MGAT5: variants seen among roughly 807,000 people sequenced by gnomAD.
MGAT5 encodes alpha-1,6-mannosylglycoprotein 6-beta-N-acetylglucosaminyltransferase, also known as alpha-1,6-mannosylglycoprotein 6-beta-N-acetylglucosaminyltransferase A.
A neutral mutation model predicts 94.3 loss-of-function variants in MGAT5; 30 were observed. That is an observed-to-expected ratio of 0.32 (90% CI 0.24 to 0.43). The LOEUF is 0.43. MGAT5 is among the 20% of genes least tolerant of loss of function. The pLI is 1.00. For synonymous variants in MGAT5, 310 were observed against 322.9 expected, an observed-to-expected ratio of 0.96 and a Z score of 0.43; for missense variants, 691 against 905.5, an observed-to-expected ratio of 0.76 and a Z score of 3.04.
intron 1 of MGAT5, among the ~76,000 whole-genome samples, chr2:134,141,454 G>A (rs536399229): frequency 1.4e-5 from 2 of 140,646 alleles, no homozygotes; most frequent in African/African-American, 5.2e-5. Context: ...ATAGATAGAT[G>A]GATAGTTGGA....
intron 1 of MGAT5, among the ~76,000 whole-genome samples, chr2:134,197,454 TG>T (rs1041630549): frequency 4.9e-4 from 75 of 152,370 alleles, no homozygotes; most frequent in African/African-American, 1.8e-3. Context: ...TATTTTCAGG[TG>T]GATCTAGCAC....
intron 2 of MGAT5, among the ~76,000 whole-genome samples, chr2:134,309,533 C>T (rs1686526123): frequency 6.6e-6 from 1 of 152,126 alleles, no homozygotes. Context: ...CCTCATTGTG[C>T]TCTTGATTTC....
chr2:134,142,213 G>T (rs1686690417), intron 1 of MGAT5, among the ~76,000 whole-genome samples: 1 of 152,158 alleles, frequency 6.6e-6, no homozygotes, highest in Non-Finnish European at 1.5e-5. Flanking sequence ...GGGAAAGGTG[G>T]GCCCTGTGGT....
At chr2:134,421,171 A>C (rs1048572987) in intron 12 of MGAT5, among the ~76,000 whole-genome samples, 1 of 152,238 alleles carries the variant, frequency 6.6e-6, no homozygotes, top group African/African-American at 2.4e-5. Context: ...TGTTGCTTTG[A>C]TCTTTCTGAA....
At chr2:134,364,051 T>A (rs1236587017) in intron 10 of MGAT5, among the ~76,000 whole-genome samples, 6 of 152,224 alleles carry the variant, frequency 3.9e-5, no homozygotes, top group Non-Finnish European at 8.8e-5. Flanking sequence ...TATATCACTT[T>A]GTTTTGGGGC....
chr2:134,248,593 G>A (rs1057094746), intron 1 of MGAT5, among the ~76,000 whole-genome samples: 11 of 152,292 alleles, frequency 7.2e-5, no homozygotes, highest in Middle Eastern at 3.4e-3. Context: ...AGGCTCCTTA[G>A]CCACCATTTA....
At chr2:134,136,250 G>A (rs985680477) in intron 1 of MGAT5, among the ~76,000 whole-genome samples, 9 of 152,048 alleles carry the variant, frequency 5.9e-5, no homozygotes, top group African/African-American at 2.2e-4. Flanking sequence ...CAAGCTGCAG[G>A]TATTGCCATT....
intron 15 of MGAT5, among the ~76,000 whole-genome samples, chr2:134,444,225 T>C (rs1399056177): frequency 1.3e-5 from 2 of 152,216 alleles, no homozygotes; most frequent in African/African-American, 4.8e-5. Flanking sequence ...CCGAGGCCAC[T>C]GAGCCAAGAC....
chr2:134,447,723 TA>T (rs1685870345), intron 15 of MGAT5, among the ~76,000 whole-genome samples: 2 of 152,170 alleles, frequency 1.3e-5, no homozygotes, highest in African/African-American at 4.8e-5. Flanking sequence ...AGATATGAGA[TA>T]AGAGGCCAAA....
intron 11 of MGAT5, among the ~76,000 whole-genome samples, chr2:134,404,000 C>T (rs974673276): frequency 1.3e-5 from 2 of 152,142 alleles, no homozygotes; most frequent in African/African-American, 2.4e-5. Flanking sequence ...AAATGAAGTT[C>T]GGGAACTTGT....
At chr2:134,371,345 C>T (rs554792971) in intron 10 of MGAT5, among the ~76,000 whole-genome samples, 1 of 152,304 alleles carries the variant, frequency 6.6e-6, no homozygotes, top group South Asian at 2.1e-4. Flanking sequence ...GTCATGCTTT[C>T]AGTCTCCTGT....
chr2:134,345,399 G>A (rs1688862543), intron 8 of MGAT5, among the ~76,000 whole-genome samples: 1 of 152,076 alleles, frequency 6.6e-6, no homozygotes, highest in African/African-American at 2.4e-5. Flanking sequence ...TGTGTTCCGT[G>A]GGTTTTAGAT....
chr2:134,233,804 AG>A (rs1258254361), intron 1 of MGAT5, among the ~76,000 whole-genome samples: 1 of 152,230 alleles, frequency 6.6e-6, no homozygotes, highest in African/African-American at 2.4e-5. Flanking sequence ...AAGAGGGCAC[AG>A]GGCTGGCTTA....
intron 2 of MGAT5, among the ~76,000 whole-genome samples, chr2:134,277,137 G>T (rs1350271300): frequency 6.6e-6 from 1 of 152,212 alleles, no homozygotes; most frequent in East Asian, 1.9e-4. Flanking sequence ...AGACTGGCTC[G>T]GTTCAAATAC....
chr2:134,376,117 A>G (rs1681155386), intron 10 of MGAT5, among the ~76,000 whole-genome samples: 1 of 152,240 alleles, frequency 6.6e-6, no homozygotes, highest in Non-Finnish European at 1.5e-5. Flanking sequence ...CAGCACACCG[A>G]CAATGAATAA....
At chr2:134,229,024 C>A (rs565348345) in intron 1 of MGAT5, among the ~76,000 whole-genome samples, 1 of 152,264 alleles carries the variant, frequency 6.6e-6, no homozygotes, top group South Asian at 2.1e-4. Context: ...TCTTACTAGT[C>A]AACATCTTGT....
At position 134,270,473 on chromosome 2, in the gene MGAT5, A is replaced by G. The variant is rs1041793902; in HGVS notation, c.329A>G (p.Asn110Ser). 1.1e-5 allele frequency: 17 copies of G among 1,614,104 alleles called. No individual in the cohort carries two copies. The highest frequency in any genetic ancestry group is 1.4e-5 in the Non-Finnish European group (16 of 1,180,034). ...LESKVDNLVV[N>S]GTGTNSTNST... is the part of the protein sequence containing the mutation. ...TCGAAGGTGGACAATCTTGTTGTCA[A>G]TGGCACCGGAACAAACTCAACCAAC... Residue 110 changes from asparagine to serine, a missense_variant, in exon 2 of 16, where the codon AAT becomes AGT. Transcript: ENST00000281923.
At chr2:134,284,172 A>T (rs937874596) in intron 2 of MGAT5, among the ~76,000 whole-genome samples, 1 of 152,180 alleles carries the variant, frequency 6.6e-6, no homozygotes, top group Non-Finnish European at 1.5e-5. Flanking sequence ...TCCTTGGTGG[A>T]TGGTTCTCCA....
chr2:134,206,459 C>T (rs1680026349), intron 1 of MGAT5, among the ~76,000 whole-genome samples: 1 of 152,180 alleles, frequency 6.6e-6, no homozygotes, highest in African/African-American at 2.4e-5. Context: ...CCTATTGCTG[C>T]TGTAACAAAT....
Sources: gnomAD v4.1 joint callset for allele counts (sites outside exome capture counted in the v4.1 genomes callset) on GRCh38, gnomAD v4.1.1 for gene constraint, MANE v1.5 for transcripts, NCBI Gene and HGNC (gene_info 2026-07-23, HGNC 2026-07-21) for gene names.